Variants in DDR2 observed in about 807,000 individuals in gnomAD.
DDR2 encodes the protein discoidin domain-containing receptor 2.
In DDR2, 27 loss-of-function variants were observed where a neutral mutation model predicts 94.9. The observed-to-expected ratio is 0.28, with a 90% CI of 0.21 to 0.39. The LOEUF is 0.39. DDR2 is among the 10% of genes least tolerant of loss of function. The pLI is 1.00. For synonymous variants in DDR2, 382 were observed against 377.2 expected, an observed-to-expected ratio of 1.01 and a Z score of -0.15; for missense variants, 783 against 1,076.0, an observed-to-expected ratio of 0.73 and a Z score of 3.81.
intron 3 of DDR2, among the ~76,000 whole-genome samples, chr1:162,745,438 CAGG>C (rs1662804117): frequency 6.6e-6 from 1 of 152,092 alleles, no homozygotes; most frequent in African/African-American, 2.4e-5. Flanking sequence ...TATCTTCTTC[CAGG>C]AGTTTTATAC....
intron 2 of DDR2, 65 bp downstream of exon 2, chr1:162,655,439 G>A (rs1400853040): frequency 6.6e-6 from 1 of 152,200 alleles, no homozygotes; most frequent in Non-Finnish European, 1.5e-5. Flanking sequence ...GGCTCACATT[G>A]AATCCCCCCA....
intron 1 of DDR2, among the ~76,000 whole-genome samples, chr1:162,654,681 T>C (rs142946795): frequency 6.6e-6 from 1 of 152,080 alleles, no homozygotes; most frequent in African/African-American, 2.4e-5. Context: ...TTTCAGGAGA[T>C]CCATAGATCA....
intron 1 of DDR2, among the ~76,000 whole-genome samples, chr1:162,636,854 T>G (rs1042493723): frequency 9.2e-5 from 14 of 152,220 alleles, no homozygotes; most frequent in African/African-American, 3.4e-4. Context: ...TAATCTAGCA[T>G]TTTTGCATTT....
At chr1:162,692,433 G>T (rs1194799580) in intron 2 of DDR2, among the ~76,000 whole-genome samples, 1 of 151,838 alleles carries the variant, frequency 6.6e-6, no homozygotes, top group East Asian at 1.9e-4. Flanking sequence ...TCGAGGATTT[G>T]TATTCAGGAC....
At chr1:162,702,356 G>A (rs1660470877) in intron 2 of DDR2, among the ~76,000 whole-genome samples, 1 of 152,032 alleles carries the variant, frequency 6.6e-6, no homozygotes, top group Non-Finnish European at 1.5e-5. Context: ...GACTATGCAA[G>A]CAGCTTATAC....
chr1:162,637,198 G>A (rs1357216067), intron 1 of DDR2, among the ~76,000 whole-genome samples: 1 of 152,010 alleles, frequency 6.6e-6, no homozygotes, highest in Non-Finnish European at 1.5e-5. Context: ...ATTGCTTTAG[G>A]TTCTAGGGAG....
chr1:162,689,761 T>C (rs1188944107), intron 2 of DDR2, among the ~76,000 whole-genome samples: 3 of 145,576 alleles, frequency 2.1e-5, no homozygotes, highest in African/African-American at 7.7e-5. Flanking sequence ...CCCAGCACTT[T>C]GGGAGGCCAA....
At position 162,747,096 on chromosome 1, in the gene DDR2, A is replaced by G. The variant is rs529706832; in HGVS notation, c.83-5999A>G. 1.3e-4 allele frequency among the ~76,000 whole-genome samples: 20 copies of G among 152,364 alleles called. No homozygotes were observed. The East Asian group carries it at 3.9e-3, about 29-fold the overall frequency. Reference sequence around the variant, plus strand: ...AGAAAAGCTGAAAATTCTAAAAATCAGAGCACCTCTTCTCCTCCAAAGGAA... The same window carrying G: ...AGAAAAGCTGAAAATTCTAAAAATCGGAGCACCTCTTCTCCTCCAAAGGAA... On this transcript the variant is annotated intron_variant, in intron 3 of 17. Coordinates refer to ENST00000367921, the MANE Select transcript of DDR2 (RefSeq NM_006182.4).
chr1:162,778,868 T>C, intron 17 of DDR2, 139 bp downstream of exon 17: 1 of 1,198,814 alleles, frequency 8.3e-7, no homozygotes, highest in Non-Finnish European at 1.2e-6. Context: ...ACTATCCAGA[T>C]GATGTGAAAG....
chr1:162,676,317 C>A (rs1441745940), intron 2 of DDR2, among the ~76,000 whole-genome samples: 2 of 152,112 alleles, frequency 1.3e-5, no homozygotes, highest in Non-Finnish European at 2.9e-5. Context: ...CTGTTTCCAA[C>A]CAAGTGAATT....
chr1:162,758,058 T>TCAGTA (rs1663544382), intron 7 of DDR2, among the ~76,000 whole-genome samples: 1 of 152,108 alleles, frequency 6.6e-6, no homozygotes, highest in Non-Finnish European at 1.5e-5. Context: ...AAGACTTAGT[T>TCAGTA]CAGTAGGGGA....
intron 2 of DDR2, among the ~76,000 whole-genome samples, chr1:162,668,657 C>T (rs1658691817): frequency 1.3e-5 from 2 of 152,208 alleles, no homozygotes; most frequent in Admixed American, 6.5e-5. Flanking sequence ...TTTGTGTCCA[C>T]ATCTTTTTCT....
At chr1:162,682,105 C>T (rs1218638701) in intron 2 of DDR2, among the ~76,000 whole-genome samples, 1 of 151,998 alleles carries the variant, frequency 6.6e-6, no homozygotes, top group Non-Finnish European at 1.5e-5. Context: ...GTGTCCTGCC[C>T]GGGCTCCTCC....
intron 2 of DDR2, among the ~76,000 whole-genome samples, chr1:162,688,202 C>T (rs574716056): frequency 1.3e-4 from 20 of 152,186 alleles, no homozygotes; most frequent in East Asian, 3.9e-4. Flanking sequence ...AAGCACAGCA[C>T]GTACAAGGAC....
At chr1:162,744,260 T>C (rs771639749) in intron 3 of DDR2, among the ~76,000 whole-genome samples, 6 of 152,222 alleles carry the variant, frequency 3.9e-5, no homozygotes, top group Non-Finnish European at 7.3e-5. Flanking sequence ...CTAGAACGTA[T>C]TAATCTTGTA....
At chr1:162,669,134 C>T (rs1291072348) in intron 2 of DDR2, among the ~76,000 whole-genome samples, 1 of 152,208 alleles carries the variant, frequency 6.6e-6, no homozygotes, top group Non-Finnish European at 1.5e-5. Context: ...TGATTTCAAA[C>T]ATGCAAACAA....
At chr1:162,727,312 CATAATAAATATT>C (rs1661732103) in intron 3 of DDR2, among the ~76,000 whole-genome samples, 1 of 135,976 alleles carries the variant, frequency 7.4e-6, no homozygotes, top group Non-Finnish European at 1.5e-5. Context: ...TAAAAATAAA[CATAATAAATATT>C]ATAATAAATA....
rs767283136 is a variant in DDR2, at chr1:162,754,842, G to A, written c.404G>A (p.Arg135His). 4.0e-5 allele frequency: 65 copies of A among 1,613,928 alleles called. No individual in the cohort carries two copies. Among genetic ancestry groups the A allele is most frequent in the East Asian group, 2.0e-4 (9 of 44,870 alleles). Residue 135 changes from arginine (R) to histidine (H), a missense_variant, in exon 5 of 18, where the codon CGT (arginine) becomes CAT (histidine). Transcript: ENST00000367921. The stretch of plus-strand genomic sequence containing the variant: ...ACTCGCTGGATCTCTTGGCGGAACC[G>A]TCATGGGAAACAGGTAGGAAGAAGA... ...DGTRWISWRN[R>H]HGKQVLDGNS...
chr1:162,647,408 A>G (rs1657468053), intron 1 of DDR2, among the ~76,000 whole-genome samples: 1 of 151,692 alleles, frequency 6.6e-6, no homozygotes, highest in South Asian at 2.1e-4. Flanking sequence ...AGGGGTCCCA[A>G]TCTACACCCC....
Sources: allele counts gnomAD v4.1 joint callset (sites outside exome capture counted in the v4.1 genomes callset), GRCh38; gene constraint gnomAD v4.1.1; transcripts MANE v1.5; gene names NCBI Gene and HGNC (gene_info 2026-07-23, HGNC 2026-07-21).